ERBB4: variants seen among roughly 807,000 people sequenced by gnomAD.
ERBB4 encodes receptor tyrosine-protein kinase erbB-4.
A neutral mutation model predicts 158.0 loss-of-function variants in ERBB4; 42 were observed. That is an observed-to-expected ratio of 0.27 (90% CI 0.21 to 0.34). The LOEUF (loss-of-function observed/expected upper bound fraction) is 0.34. Among genes scored for constraint, ERBB4 ranks in the 10% least tolerant of loss-of-function variants. The probability of loss-of-function intolerance (pLI) is 1.00; values close to 1 mark genes in which losing one functional copy is unlikely to be tolerated. For synonymous variants in ERBB4, 583 were observed against 558.7 expected (o/e 1.04, Z -0.61); for missense variants, 1,333 against 1,624.1 (o/e 0.82, Z 3.08).
At chr2:211,803,573 T>C (rs2076547607) in intron 3 of ERBB4, among the ~76,000 whole-genome samples, 1 of 152,152 alleles carries the variant, frequency 6.6e-6, no homozygotes, top group African/African-American at 2.4e-5. Context: ...CCCCAGAAGA[T>C]GTTACTAAGA....
intron 1 of ERBB4, among the ~76,000 whole-genome samples, chr2:212,358,601 C>A (rs2089556484): frequency 6.6e-6 from 1 of 151,500 alleles, no homozygotes. Context: ...TATATGTTTT[C>A]CATTCCTGGA....
rs1434800649 is a variant in ERBB4, at chr2:212,003,192, AGAAAGAAAGAAAGACAGAAAGAAGGAAG to A, written c.235-55604_235-55577del. On this transcript the variant is annotated intron_variant, in intron 2 of 27. Transcript: ENST00000342788. ...AAGAAAGAAAGAAAGAAAGAAAGAA[AGAAAGAAAGAAAGACAGAAAGAAGGAAG>A]GAAGGAAGGAAGGAAGGAAGGAAGG... is the stretch of plus-strand genomic sequence containing the variant. Among the ~76,000 whole-genome samples the A allele has an allele frequency of 8.8e-3, 624 of 70,856 alleles. 25 individuals carry two copies. Among genetic ancestry groups the A allele is most frequent in the Non-Finnish European group, 0.016 (456 of 28,188 alleles). 46.5% of individuals were successfully genotyped at this position (70,856 alleles called of 152,430 possible).
intron 1 of ERBB4, among the ~76,000 whole-genome samples, chr2:212,489,516 G>C (rs189675015): frequency 4.5e-4 from 69 of 152,066 alleles, no homozygotes; most frequent in African/African-American, 1.6e-3. Context: ...AATCAGAAAT[G>C]AAGTATTAAG....
At chr2:211,701,862 C>A in intron 12 of ERBB4, 105 bp downstream of exon 12, 1 of 757,004 alleles carries the variant, frequency 1.3e-6, no homozygotes, top group Non-Finnish European at 2.3e-6. Flanking sequence ...GTTGGGATAA[C>A]AGAGCAACAA....
intron 1 of ERBB4, among the ~76,000 whole-genome samples, chr2:212,257,780 A>G (rs1338211034): frequency 6.6e-6 from 1 of 152,154 alleles, no homozygotes; most frequent in Non-Finnish European, 1.5e-5. Context: ...TACTGTAGTA[A>G]TCTAAGAAGA....
intron 1 of ERBB4, among the ~76,000 whole-genome samples, chr2:212,292,437 A>G (rs576639777): frequency 1.0e-3 from 157 of 152,148 alleles, no homozygotes; most frequent in African/African-American, 3.7e-3. Context: ...ACTTCTACCA[A>G]TTTCCAGAAT....
At chr2:212,163,817 G>A (rs2081272526) in intron 1 of ERBB4, among the ~76,000 whole-genome samples, 1 of 152,004 alleles carries the variant, frequency 6.6e-6, no homozygotes, top group Non-Finnish European at 1.5e-5. Flanking sequence ...GTTTGAGGGA[G>A]GGTCTCACTG....
intron 1 of ERBB4, among the ~76,000 whole-genome samples, chr2:212,419,384 T>C (rs186700538): frequency 6.6e-6 from 1 of 151,984 alleles, no homozygotes; most frequent in Admixed American, 6.6e-5. Context: ...AAATTGTGTA[T>C]GTATGTGGGT....
Position 211,790,392 on chromosome 2 carries a change from T to C in ERBB4, c.422-2233A>G, listed in dbSNP as rs563364742. On this transcript the variant is annotated intron_variant, in intron 3 of 27. Transcript: ENST00000342788. ...TATATTTTTCAGGAGTCACATTGTA[T>C]TTCAAATAGTTCATACAAAGGAACA... is the stretch of plus-strand genomic sequence containing the variant. 1.1e-4 allele frequency among the ~76,000 whole-genome samples: 17 copies of C among 152,160 alleles called. No individual in the cohort carries two copies. In the East Asian group the frequency reaches 2.7e-3, roughly 24 times the overall value.
chr2:211,985,951 T>C (rs2081926432), intron 2 of ERBB4, among the ~76,000 whole-genome samples: 1 of 152,188 alleles, frequency 6.6e-6, no homozygotes, highest in South Asian at 2.1e-4. Context: ...GACTGTGACC[T>C]TATTTGGAAA....
chr2:211,943,669 C>G lies in ERBB4; in HGVS notation c.421+3761G>C, dbSNP rs376677401. Among the ~76,000 whole-genome samples the G allele has an allele frequency of 5.3e-5, 8 of 152,220 alleles. No individual in the cohort carries two copies. In the East Asian group the frequency reaches 1.4e-3, roughly 26 times the overall value. ...TCTAGGCACCTGCCTCTTTCCCCCT[C>G]TACTTATCATCTACCCTGTGCATAA... is the stretch of plus-strand genomic sequence containing the variant. On this transcript the variant is annotated intron_variant, in intron 3 of 27. Coordinates refer to ENST00000342788, the MANE Select transcript of ERBB4 (RefSeq NM_005235.3).
At chr2:212,376,013 T>C (rs1377390088) in intron 1 of ERBB4, among the ~76,000 whole-genome samples, 1 of 151,996 alleles carries the variant, frequency 6.6e-6, no homozygotes, top group Non-Finnish European at 1.5e-5. Flanking sequence ...GTGAGAAAAA[T>C]AAAATTCCTC....
intron 4 of ERBB4, among the ~76,000 whole-genome samples, chr2:211,784,569 T>C (rs1375182576): frequency 6.6e-6 from 1 of 152,212 alleles, no homozygotes; most frequent in Admixed American, 6.5e-5. Flanking sequence ...AGCATAGATA[T>C]GCAAATATCT....
intron 22 of ERBB4, among the ~76,000 whole-genome samples, chr2:211,426,201 T>C (rs761208589): frequency 8.5e-5 from 13 of 152,058 alleles, no homozygotes; most frequent in Non-Finnish European, 1.3e-4. Context: ...CTTGTAAAGG[T>C]GATGACAAGA....
chr2:211,964,111 G>A (rs944423605), intron 2 of ERBB4, among the ~76,000 whole-genome samples: 8 of 152,092 alleles, frequency 5.3e-5, no homozygotes, highest in Admixed American at 5.2e-4. Flanking sequence ...CTCTTGGGAA[G>A]GGATTTATCA....
intron 2 of ERBB4, among the ~76,000 whole-genome samples, chr2:212,049,228 A>G (rs1467976761): frequency 2.6e-5 from 4 of 152,216 alleles, no homozygotes; most frequent in Non-Finnish European, 5.9e-5. Context: ...TCTCTGTTAA[A>G]TTAAAATAAT....
At chr2:212,197,895 G>T (rs558682956) in intron 1 of ERBB4, among the ~76,000 whole-genome samples, 1 of 152,250 alleles carries the variant, frequency 6.6e-6, no homozygotes, top group East Asian at 1.9e-4. Context: ...GTCAAGTGGA[G>T]AAAATCTGAC....
intron 1 of ERBB4, among the ~76,000 whole-genome samples, chr2:212,454,711 A>C (rs1261400950): frequency 6.6e-6 from 1 of 152,214 alleles, no homozygotes; most frequent in African/African-American, 2.4e-5. Context: ...TGCTAGGAGT[A>C]AGAGCAGCAA....
intron 1 of ERBB4, among the ~76,000 whole-genome samples, chr2:212,274,579 A>AT (rs1471671444): frequency 6.6e-6 from 1 of 151,828 alleles, no homozygotes; most frequent in African/African-American, 2.4e-5. Flanking sequence ...TTATGATCTA[A>AT]TATGGCACCT....
Sources: allele counts gnomAD v4.1 joint callset (sites outside exome capture counted in the v4.1 genomes callset), GRCh38; gene constraint gnomAD v4.1.1; transcripts MANE v1.5; gene names NCBI Gene and HGNC (gene_info 2026-07-23, HGNC 2026-07-21).